Variants in PTPRD observed in about 807,000 individuals in gnomAD.
PTPRD encodes the protein receptor-type tyrosine-protein phosphatase delta.
In PTPRD, 34 loss-of-function variants were observed where a neutral mutation model predicts 214.5. That is an observed-to-expected ratio of 0.16 (90% CI 0.12 to 0.21). PTPRD has a LOEUF of 0.21. PTPRD is among the 10% of genes least tolerant of loss of function. PTPRD has a pLI of 1.00. For missense variants in PTPRD, 2,545 were observed against 2,398.7 expected, an observed-to-expected ratio of 1.06 and a Z score of -1.27; for synonymous variants, 1,128 against 845.7, an observed-to-expected ratio of 1.33 and a Z score of -5.79.
intron 14 of PTPRD, among the ~76,000 whole-genome samples, chr9:8,577,322 C>T (rs887643834): frequency 1.3e-5 from 2 of 152,144 alleles, no homozygotes; most frequent in Non-Finnish European, 2.9e-5. Flanking sequence ...TTGGCGTGAT[C>T]TTGGCTCACT....
chr9:8,957,153 T>C (rs1487282653), intron 11 of PTPRD, among the ~76,000 whole-genome samples: 4 of 151,906 alleles, frequency 2.6e-5, no homozygotes, highest in African/African-American at 9.7e-5. Context: ...GACTCTCTCC[T>C]GGCTAGGTTT....
chr9:10,272,767 C>G (rs1388196271), intron 3 of PTPRD, among the ~76,000 whole-genome samples: 2 of 152,172 alleles, frequency 1.3e-5, no homozygotes, highest in East Asian at 3.8e-4. Flanking sequence ...CTGTATTCAA[C>G]TTGACATTTT....
chr9:9,575,124 T>C (rs187983737), intron 7 of PTPRD, among the ~76,000 whole-genome samples: 32 of 152,294 alleles, frequency 2.1e-4, no homozygotes, highest in Admixed American at 2.0e-3. Flanking sequence ...AATTTAACAA[T>C]GTCAGATATA....
At chr9:10,050,392 T>C (rs1039100501) in intron 3 of PTPRD, among the ~76,000 whole-genome samples, 8 of 151,342 alleles carry the variant, frequency 5.3e-5, no homozygotes, top group Non-Finnish European at 7.4e-5. Flanking sequence ...ACATCATCTT[T>C]ACTAAAAATA....
chr9:8,801,830 A>G (rs189931895), intron 11 of PTPRD, among the ~76,000 whole-genome samples: 1 of 152,210 alleles, frequency 6.6e-6, no homozygotes, highest in Non-Finnish European at 1.5e-5. Flanking sequence ...ACCTCTGTTT[A>G]GTCTCAATAT....
chr9:9,908,416 G>C (rs900165641), intron 5 of PTPRD, among the ~76,000 whole-genome samples: 5 of 151,854 alleles, frequency 3.3e-5, no homozygotes, highest in African/African-American at 4.8e-5. Context: ...CTAGTCCTTT[G>C]AAAGTACTGG....
chr9:10,181,714 T>C lies in PTPRD; in HGVS notation c.-544-147924A>G, dbSNP rs116131296. Among the ~76,000 whole-genome samples the C allele has an allele frequency of 3.9e-3, 588 of 151,678 alleles. 5 individuals are homozygous for C. The highest frequency in any genetic ancestry group is 0.013 in the African/African-American group (541 of 41,392). On this transcript the variant is annotated intron_variant, in intron 3 of 45. Coordinates refer to ENST00000381196, the MANE Select transcript of PTPRD (RefSeq NM_002839.4). ...CATAAGTGATGGCCTAAAAACATAA[T>C]CTATGGCAAGGTGAACTGTTAGTAA...
At chr9:10,284,399 G>T (rs78493911) in intron 3 of PTPRD, among the ~76,000 whole-genome samples, 10 of 152,112 alleles carry the variant, frequency 6.6e-5, no homozygotes, top group African/African-American at 2.4e-4. Flanking sequence ...AACAAAAACT[G>T]ATGTCTCAAG....
chr9:10,512,360 G>T (rs1290131273), intron 2 of PTPRD, among the ~76,000 whole-genome samples: 1 of 151,920 alleles, frequency 6.6e-6, no homozygotes. Flanking sequence ...TAATCATTGA[G>T]AGAAAGTATA....
intron 9 of PTPRD, among the ~76,000 whole-genome samples, chr9:9,292,968 TC>T (rs1951700989): frequency 6.6e-6 from 1 of 151,510 alleles, no homozygotes; most frequent in African/African-American, 2.4e-5. Context: ...CTGATTTTCA[TC>T]TTGATTACCT....
At chr9:10,010,069 T>A (rs892091271) in intron 4 of PTPRD, among the ~76,000 whole-genome samples, 1 of 151,932 alleles carries the variant, frequency 6.6e-6, no homozygotes, top group Non-Finnish European at 1.5e-5. Flanking sequence ...TGGAATTTTA[T>A]TTTTGATTTA....
rs544563245 is a variant in PTPRD at position 10,486,286 on chromosome 9, G to A, written c.-600+126112C>T. Among the ~76,000 whole-genome samples the A allele has an allele frequency of 2.6e-5, 4 of 152,114 alleles. No homozygotes were observed. The East Asian group carries it at 7.7e-4, about 29-fold the overall frequency. The stretch of plus-strand genomic sequence containing the variant: ...CTATGTCCTGAATTGTATTTCCTAG[G>A]TTTATTCTAGGGTTTTTATGGTTTT... On this transcript the variant is annotated intron_variant, in intron 2 of 45. Transcript: ENST00000381196.
At chr9:8,454,428 G>C (rs966586508) in intron 33 of PTPRD, among the ~76,000 whole-genome samples, 1 of 152,136 alleles carries the variant, frequency 6.6e-6, no homozygotes, top group African/African-American at 2.4e-5. Context: ...TCTTAATGAA[G>C]TTACTGTGTA....
chr9:10,280,486 C>A (rs966530665), intron 3 of PTPRD, among the ~76,000 whole-genome samples: 2 of 151,906 alleles, frequency 1.3e-5, no homozygotes, highest in Non-Finnish European at 2.9e-5. Flanking sequence ...AATAATTAAA[C>A]AATATAAATA....
intron 3 of PTPRD, among the ~76,000 whole-genome samples, chr9:10,267,624 G>A (rs187222883): frequency 1.2e-3 from 184 of 152,158 alleles, no homozygotes; most frequent in Non-Finnish European, 2.6e-4. Context: ...AATATAAATT[G>A]GTACAATGTT....
chr9:9,673,513 C>A (rs2096869924), intron 7 of PTPRD, among the ~76,000 whole-genome samples: 1 of 151,482 alleles, frequency 6.6e-6, no homozygotes, highest in Admixed American at 6.6e-5. Flanking sequence ...AGAAAAATAG[C>A]AAACTGGGAA....
chr9:10,414,286 C>T (rs1253150339), intron 2 of PTPRD, among the ~76,000 whole-genome samples: 1 of 151,390 alleles, frequency 6.6e-6, no homozygotes, highest in African/African-American at 2.4e-5. Context: ...GACAAATTAC[C>T]TGAACACTTT....
At chr9:9,443,632 A>G (rs1292901139) in intron 8 of PTPRD, among the ~76,000 whole-genome samples, 1 of 152,172 alleles carries the variant, frequency 6.6e-6, no homozygotes, top group Non-Finnish European at 1.5e-5. Context: ...AGCCATGAGA[A>G]CACATAGAGA....
intron 10 of PTPRD, among the ~76,000 whole-genome samples, chr9:9,095,462 G>A (rs1214222645): frequency 6.6e-6 from 1 of 152,274 alleles, no homozygotes; most frequent in East Asian, 1.9e-4. Context: ...TCTCCAGATT[G>A]AGCTGTGGAA....
Sources: gnomAD v4.1 joint callset for allele counts (sites outside exome capture counted in the v4.1 genomes callset) on GRCh38, gnomAD v4.1.1 for gene constraint, MANE v1.5 for transcripts, NCBI Gene and HGNC (gene_info 2026-07-23, HGNC 2026-07-21) for gene names.